The following SND1 variants were observed in gnomAD, a reference collection of about 807,000 sequenced individuals.
SND1 encodes the protein staphylococcal nuclease and tudor domain containing 1, also known as staphylococcal nuclease domain-containing protein 1.
In SND1, 38 loss-of-function variants were observed where a neutral mutation model predicts 121.7. That is an observed-to-expected ratio of 0.31 (90% CI 0.24 to 0.41). The LOEUF is 0.41. Among genes scored for constraint, SND1 ranks in the 10% least tolerant of loss-of-function variants. The pLI, the probability that SND1 is intolerant of heterozygous loss-of-function variation, is 1.00. For missense variants in SND1, 868 were observed against 1,184.6 expected (o/e 0.73, Z 3.92); for synonymous variants, 401 against 447.4 (o/e 0.90, Z 1.31).
At chr7:127,697,163 C>T (rs936328895) in intron 3 of SND1, among the ~76,000 whole-genome samples, 1 of 152,138 alleles carries the variant, frequency 6.6e-6, no homozygotes, top group African/African-American at 2.4e-5. Flanking sequence ...TAATCACCCA[C>T]CTGCTCTGAA....
intron 16 of SND1, among the ~76,000 whole-genome samples, chr7:128,047,098 A>C (rs1468886195): frequency 6.6e-6 from 1 of 152,206 alleles, no homozygotes; most frequent in Non-Finnish European, 1.5e-5. Flanking sequence ...TGCATGTAAA[A>C]AGATTATTAT....
intron 16 of SND1, chr7:128,031,043 C>CAGAGGGGAGG (rs1194861028): frequency 6.4e-5 from 4 of 62,234 alleles, no homozygotes; most frequent in Non-Finnish European, 1.3e-4. Context: ...GCGGGGAGGG[C>CAGAGGGGAGG]AGAGGGGAGG....
intron 15 of SND1, among the ~76,000 whole-genome samples, chr7:127,960,566 T>C (rs1028000670): frequency 6.6e-6 from 1 of 152,236 alleles, no homozygotes; most frequent in African/African-American, 2.4e-5. Flanking sequence ...TAAGTAATGA[T>C]GAATAATTAA....
intron 15 of SND1, among the ~76,000 whole-genome samples, chr7:127,980,740 T>C (rs1447758164): frequency 6.6e-6 from 1 of 152,204 alleles, no homozygotes; most frequent in African/African-American, 2.4e-5. Flanking sequence ...TCACTCTAAA[T>C]TTATGCAAGT....
intron 12 of SND1, among the ~76,000 whole-genome samples, chr7:127,881,770 A>T: frequency 6.6e-6 from 1 of 151,836 alleles, no homozygotes. Context: ...AGACAGTCTC[A>T]CTCTGTCACC....
At chr7:127,932,292 A>G (rs549774145) in intron 15 of SND1, among the ~76,000 whole-genome samples, 9 of 152,366 alleles carry the variant, frequency 5.9e-5, no homozygotes, top group East Asian at 1.9e-4. Context: ...CAAGACTTCA[A>G]TGGAGGAAGT....
chr7:127,917,344 T>C (rs537755723), intron 14 of SND1, among the ~76,000 whole-genome samples: 1 of 152,352 alleles, frequency 6.6e-6, no homozygotes, highest in East Asian at 1.9e-4. Context: ...TCATTATTGT[T>C]TAAGCTTGTT....
intron 1 of SND1, among the ~76,000 whole-genome samples, chr7:127,667,523 C>T (rs567363697): frequency 2.1e-4 from 32 of 152,252 alleles, no homozygotes; most frequent in Middle Eastern, 6.8e-3. Context: ...TGGCTAGTAA[C>T]GCAGTAGCTG....
intron 1 of SND1, among the ~76,000 whole-genome samples, chr7:127,674,423 C>T (rs1474121385): frequency 6.6e-6 from 1 of 152,206 alleles, no homozygotes; most frequent in Non-Finnish European, 1.5e-5. Context: ...CTGTAACTCT[C>T]CTCTGAGAAA....
At chr7:127,871,825 T>A (rs6977011) in intron 12 of SND1, among the ~76,000 whole-genome samples, 2,591 of 152,180 alleles carry the variant, frequency 0.017, 92 homozygotes, top group African/African-American at 0.059. Flanking sequence ...AATAAGTAGA[T>A]CCTAGTTCAT....
chr7:127,755,658 A>G (rs908860212), intron 10 of SND1, among the ~76,000 whole-genome samples: 2 of 152,248 alleles, frequency 1.3e-5, no homozygotes, highest in Admixed American at 6.5e-5. Context: ...GCCCTTCAGA[A>G]TATGCAGCAG....
At chr7:127,917,503 A>G (rs954182677) in intron 14 of SND1, among the ~76,000 whole-genome samples, 26 of 152,000 alleles carry the variant, frequency 1.7e-4, no homozygotes, top group Non-Finnish European at 2.2e-4. Context: ...TTTTCTACCC[A>G]TTGTCCACAC....
At chr7:127,715,957 T>C (rs1173787535) in intron 9 of SND1, among the ~76,000 whole-genome samples, 1 of 152,224 alleles carries the variant, frequency 6.6e-6, no homozygotes, top group Non-Finnish European at 1.5e-5. Context: ...CTTAGGACCA[T>C]TTGTTGAAGA....
chr7:128,089,496 C>T lies in SND1; in HGVS notation c.2426C>T (p.Ala809Val). The T allele has an allele frequency of 6.2e-7, 1 of 1,611,866 alleles. No homozygotes were observed. The highest frequency in any genetic ancestry group is 1.1e-5 in the South Asian group (1 of 90,830). The change falls in exon 22 of 24, where the codon GCC becomes GTC. Residue 809 changes from alanine to valine, a missense_variant. Ala to Val is a moderately conservative substitution (Grantham distance 64, BLOSUM62 0). This residue lies in a region of SND1 where 743 missense variants were observed against 1,071.3 expected (regional missense o/e 0.69). Transcript: ENST00000354725. Reference sequence around the variant, plus strand: ...AGTGTGTCTCTGCTCCAGGATGATGCCCGCACGGACGCCGTGGACAGCGTA... The same window carrying T: ...AGTGTGTCTCTGCTCCAGGATGATGTCCGCACGGACGCCGTGGACAGCGTA... ...AFIQVPQDDDARTDAVDSVVR... is the reference protein window; with the variant it reads ...AFIQVPQDDDVRTDAVDSVVR...
chr7:127,680,030 G>T (rs1795688924), intron 1 of SND1, among the ~76,000 whole-genome samples: 1 of 152,106 alleles, frequency 6.6e-6, no homozygotes, highest in South Asian at 2.1e-4. Flanking sequence ...AGAAATAAAG[G>T]GACAGAGTAC....
At chr7:127,892,512 A>G (rs1024437017) in intron 13 of SND1, among the ~76,000 whole-genome samples, 2 of 152,094 alleles carry the variant, frequency 1.3e-5, no homozygotes, top group African/African-American at 4.8e-5. Context: ...TAATGTCTTA[A>G]ATACATGGCC....
intron 16 of SND1, among the ~76,000 whole-genome samples, chr7:128,006,910 T>C (rs1278837690): frequency 6.6e-6 from 1 of 152,220 alleles, no homozygotes; most frequent in Admixed American, 6.5e-5. Context: ...AGTCTTTGTG[T>C]CAGCCCGAGC....
At chr7:127,946,741 C>T (rs924809603) in intron 15 of SND1, among the ~76,000 whole-genome samples, 10 of 152,166 alleles carry the variant, frequency 6.6e-5, no homozygotes, top group African/African-American at 1.9e-4. Context: ...CCAGGAGATC[C>T]ACCATTTAAG....
At chr7:128,002,223 T>C (rs1802852982) in intron 16 of SND1, among the ~76,000 whole-genome samples, 1 of 152,216 alleles carries the variant, frequency 6.6e-6, no homozygotes, top group African/African-American at 2.4e-5. Flanking sequence ...GCTCAGATCC[T>C]TCTCAAAACA....
Sources: allele counts gnomAD v4.1 joint callset (sites outside exome capture counted in the v4.1 genomes callset), GRCh38; gene constraint gnomAD v4.1.1; regional missense constraint gnomAD v4.1.1; transcripts MANE v1.5; gene names NCBI Gene and HGNC (gene_info 2026-07-23, HGNC 2026-07-21).